The following COL8A1 variants were observed in gnomAD, a reference collection of about 807,000 sequenced individuals.
The protein encoded by COL8A1 is collagen alpha-1(VIII) chain.
COL8A1 carries 21 observed loss-of-function variants against 42.7 expected under a neutral mutation model. The ratio of observed to expected loss-of-function variants is 0.49; its 90% CI spans 0.35 to 0.71. The LOEUF (loss-of-function observed/expected upper bound fraction) is 0.71. Ranked by LOEUF, COL8A1 falls within the 30% of genes least tolerant of loss-of-function variation. The pLI is 0.01. For missense variants in COL8A1, 788 were observed against 962.4 expected (o/e 0.82, Z 2.40); for synonymous variants, 367 against 369.1 (o/e 0.99, Z 0.06).
At chr3:99,731,888 T>C (rs1166933570) in intron 1 of COL8A1, among the ~76,000 whole-genome samples, 2 of 152,152 alleles carry the variant, frequency 1.3e-5, no homozygotes, top group Admixed American at 6.6e-5. Context: ...GAACAATTAT[T>C]ATGCTTATTA....
At chr3:99,772,485 T>G (rs1330737660) in intron 2 of COL8A1, among the ~76,000 whole-genome samples, 1 of 152,156 alleles carries the variant, frequency 6.6e-6, no homozygotes, top group Non-Finnish European at 1.5e-5. Flanking sequence ...TGTAGGTTCA[T>G]CATTTGCAAT....
At chr3:99,710,164 A>T (rs879418098) in intron 1 of COL8A1, among the ~76,000 whole-genome samples, 2 of 152,188 alleles carry the variant, frequency 1.3e-5, no homozygotes, top group Non-Finnish European at 2.9e-5. Context: ...GTTATATGTT[A>T]AACTAGAAGA....
intron 2 of COL8A1, among the ~76,000 whole-genome samples, chr3:99,780,585 C>T (rs1470196199): frequency 6.6e-6 from 1 of 152,140 alleles, no homozygotes; most frequent in African/African-American, 2.4e-5. Flanking sequence ...CACTCTAAGT[C>T]CTAAGAAATA....
intron 1 of COL8A1, among the ~76,000 whole-genome samples, chr3:99,653,545 A>G (rs967658957): frequency 3.3e-5 from 5 of 151,712 alleles, no homozygotes; most frequent in African/African-American, 1.2e-4. Flanking sequence ...TCACCATGTC[A>G]ATGCACAGTA....
Position 99,798,204 on chromosome 3 carries a change from T to A in COL8A1, c.*2068T>A, listed in dbSNP as rs1942136377. On this transcript the variant is annotated 3_prime_UTR_variant, in exon 4 of 4. Transcript: ENST00000652472. ...GTATACAAGCACCATTTCTTCTCAA[T>A]TTTTAAGAAGAGAAATTAGTCCATT... 1 of 152,224 alleles carries A rather than the reference T, an allele frequency of 6.6e-6. No individual in the cohort carries two copies. Among genetic ancestry groups the A allele is most frequent in the Admixed American group, 6.5e-5 (1 of 15,284 alleles). The allele number at this position is 152,224 out of a possible 1,614,324, so 9.4% of individuals were successfully genotyped here. A position where few individuals can be genotyped will look rare whatever the true frequency, so the allele number is the denominator to read the frequency against.
chr3:99,690,911 T>G (rs892017698), intron 1 of COL8A1, among the ~76,000 whole-genome samples: 3 of 152,232 alleles, frequency 2.0e-5, no homozygotes, highest in African/African-American at 7.2e-5. Context: ...AATTAGTTAA[T>G]GCAACAAATC....
intron 1 of COL8A1, among the ~76,000 whole-genome samples, chr3:99,721,369 C>CAAAA (rs34692096): frequency 8.4e-6 from 1 of 118,538 alleles, no homozygotes; most frequent in Non-Finnish European, 1.7e-5. Context: ...ACAATTTAGA[C>CAAAA]AAAAAAAAAA....
intron 2 of COL8A1, among the ~76,000 whole-genome samples, chr3:99,757,446 CTT>C (rs1295427392): frequency 6.6e-6 from 1 of 152,144 alleles, no homozygotes; most frequent in Non-Finnish European, 1.5e-5. Flanking sequence ...TCTTCATACT[CTT>C]TGCTGGGGAG....
At chr3:99,737,155 C>G (rs1477302950) in intron 1 of COL8A1, among the ~76,000 whole-genome samples, 3 of 152,296 alleles carry the variant, frequency 2.0e-5, no homozygotes, top group African/African-American at 7.2e-5. Context: ...TTCCTGAACA[C>G]AGCACACTGA....
intron 2 of COL8A1, among the ~76,000 whole-genome samples, 180 bp from the exon 3 acceptor site, chr3:99,790,500 C>T (rs1941979441): frequency 6.6e-6 from 1 of 152,202 alleles, no homozygotes; most frequent in Admixed American, 6.5e-5. Flanking sequence ...CCACTATTCT[C>T]TATTTTTTGT....
Position 99,740,036 on chromosome 3 carries a change from G to A in COL8A1, c.-128-4861G>A, listed in dbSNP as rs144023954. 6.8e-3 allele frequency among the ~76,000 whole-genome samples: 1,030 copies of A among 152,268 alleles called. 14 individuals carry two copies. Among genetic ancestry groups the A allele is most frequent in the African/African-American group, 0.024 (984 of 41,538 alleles). On this transcript the variant is annotated intron_variant, in intron 1 of 3. Transcript: ENST00000652472. ...CAAAGTTCCACAAATCTCTAGGGCA[G>A]GGGCAAAATGTGCCAGTCTCTTTGC...
intron 1 of COL8A1, among the ~76,000 whole-genome samples, chr3:99,664,225 T>C (rs1369681786): frequency 5.9e-5 from 9 of 152,228 alleles, no homozygotes; most frequent in African/African-American, 9.6e-5. Flanking sequence ...ACTTTGTTTT[T>C]GTTCCCTGCT....
Position 99,768,343 on chromosome 3 carries a change from C to T in COL8A1, c.-3-22337C>T, listed in dbSNP as rs934588792. 2.1e-4 allele frequency among the ~76,000 whole-genome samples: 32 copies of T among 152,142 alleles called. 1 individual carries two copies. Among genetic ancestry groups the T allele is most frequent in the Admixed American group, 1.9e-3 (29 of 15,272 alleles). ...AAATAGGACTGTCAGATGGTATGGG[C>T]TATTGCACACTAAGAGCTCTCATTT... On this transcript the variant is annotated intron_variant, in intron 2 of 3. Transcript: ENST00000652472.
intron 1 of COL8A1, among the ~76,000 whole-genome samples, chr3:99,712,062 C>T (rs192469932): frequency 2.2e-4 from 34 of 152,120 alleles, no homozygotes; most frequent in Admixed American, 1.0e-3. Flanking sequence ...AACAGAAAAC[C>T]TGTAGTTCTT....
rs568437951 is a variant in COL8A1 at position 99,795,807 on chromosome 3, A to C, written c.1906A>C (p.Asn636His). Residue 636 changes from asparagine (N) to histidine (H), a missense_variant, in exon 4 of 4, where the codon AAC becomes CAC. This residue lies in a region of COL8A1 where 212 missense variants were observed against 210.9 expected (regional missense o/e 1.00). Coordinates refer to ENST00000652472, the MANE Select transcript of COL8A1 (RefSeq NM_020351.4). ...ACCGGTGGGGGCCCCAGTGAAGTTT[A>C]ACAAACTGCTGTATAACGGCAGACA... The part of the protein sequence containing the change: ...FPPVGAPVKF[N>H]KLLYNGRQNY... The C allele has an allele frequency of 1.9e-5, 30 of 1,614,158 alleles. No individual in the cohort carries two copies. The highest frequency in any genetic ancestry group is 1.7e-4 in the Middle Eastern group (1 of 6,060).
intron 1 of COL8A1, among the ~76,000 whole-genome samples, chr3:99,733,615 G>A (rs980181600): frequency 1.3e-5 from 2 of 152,042 alleles, no homozygotes; most frequent in South Asian, 4.1e-4. Flanking sequence ...ACATACGTGT[G>A]TATGTGTCTT....
chr3:99,757,781 T>C (rs140473257), intron 2 of COL8A1, among the ~76,000 whole-genome samples: 1 of 152,232 alleles, frequency 6.6e-6, no homozygotes, highest in Non-Finnish European at 1.5e-5. Flanking sequence ...TAAGGCCCTT[T>C]TCAGAAAGTA....
At chr3:99,775,418 C>T (rs1279124174) in intron 2 of COL8A1, among the ~76,000 whole-genome samples, 5 of 152,176 alleles carry the variant, frequency 3.3e-5, no homozygotes, top group Non-Finnish European at 7.3e-5. Context: ...GGGGTCCAAG[C>T]CTTGCCAATG....
intron 2 of COL8A1, among the ~76,000 whole-genome samples, chr3:99,774,146 G>C (rs1011122823): frequency 6.6e-6 from 1 of 150,908 alleles, no homozygotes; most frequent in Non-Finnish European, 1.5e-5. Context: ...CGCCCAACCC[G>C]ATAGACATAT....
Sources: gnomAD v4.1 joint callset for allele counts (sites outside exome capture counted in the v4.1 genomes callset) on GRCh38, gnomAD v4.1.1 for gene constraint, gnomAD v4.1.1 regional missense constraint, MANE v1.5 for transcripts, NCBI Gene and HGNC (gene_info 2026-07-23, HGNC 2026-07-21) for gene names.